The following ADAM17 variants were observed in gnomAD, a reference collection of about 807,000 sequenced individuals.
ADAM17 encodes the protein disintegrin and metalloproteinase domain-containing protein 17.
Under a neutral mutation model 96.7 loss-of-function variants are expected in ADAM17, and 39 were observed. The ratio of observed to expected loss-of-function variants is 0.40; its 90% CI spans 0.31 to 0.53. The LOEUF is 0.53. Among genes scored for constraint, ADAM17 ranks in the 20% least tolerant of loss-of-function variants. The pLI, the probability that ADAM17 is intolerant of heterozygous loss-of-function variation, is 0.44. For missense variants in ADAM17, 777 were observed against 1,013.2 expected (o/e 0.77, Z 3.17); for synonymous variants, 344 against 359.2 (o/e 0.96, Z 0.48).
intron 4 of ADAM17, among the ~76,000 whole-genome samples, chr2:9,530,039 G>C (rs1441075483): frequency 6.6e-6 from 1 of 152,108 alleles, no homozygotes; most frequent in African/African-American, 2.4e-5. Flanking sequence ...TATAGTATGT[G>C]AATTTTATCT....
In ADAM17 at chr2:9,489,297, A is replaced by AAAAAAAAAAAAAAAAAAAAAAAATT; in HGVS notation, c.*879_*880insAATTTTTTTTTTTTTTTTTTTTTTT. On this transcript the variant is annotated 3_prime_UTR_variant, in exon 19 of 19. Coordinates refer to ENST00000310823, the MANE Select transcript of ADAM17 (RefSeq NM_003183.6). ...TTTTTTTTTTTTGAGGCAGAGTCTC[A>AAAAAAAAAAAAAAAAAAAAAAAATT]CTCTGTCACCCAGGCTGGAGTGTAG... 2 of 113,068 alleles carry AAAAAAAAAAAAAAAAAAAAAAAATT rather than the reference A, an allele frequency of 1.8e-5. No homozygotes were observed. Among genetic ancestry groups the AAAAAAAAAAAAAAAAAAAAAAAATT allele is most frequent in the Admixed American group, 2.1e-4 (2 of 9,702 alleles). The allele number at this position is 113,068 out of a possible 1,614,324, so 7.0% of individuals were successfully genotyped here. A position where few individuals can be genotyped will look rare whatever the true frequency, so the allele number is the denominator to read the frequency against.
At chr2:9,555,467 C>T in intron 1 of ADAM17, 42 bp downstream of exon 1, 2 of 1,496,838 alleles carry the variant, frequency 1.3e-6, no homozygotes, top group Non-Finnish European at 1.8e-6. Context: ...CTCAAACGAG[C>T]GCTCCAGGCG....
intron 4 of ADAM17, among the ~76,000 whole-genome samples, chr2:9,528,557 T>A (rs887244477): frequency 5.9e-5 from 9 of 152,192 alleles, no homozygotes; most frequent in Non-Finnish European, 1.3e-4. Flanking sequence ...AAGGCCAGAG[T>A]AAATCACAAT....
In ADAM17 at chr2:9,555,658, G is replaced by A; in HGVS notation, c.-53C>T. The A allele has an allele frequency of 1.4e-6, 2 of 1,454,830 alleles. No homozygotes were observed. Among genetic ancestry groups the A allele is most frequent in the Non-Finnish European group, 1.8e-6 (2 of 1,081,832 alleles). 90.1% of individuals were successfully genotyped at this position (1,454,830 alleles called of 1,614,324 possible). On this transcript the variant is annotated 5_prime_UTR_variant, in exon 1 of 19. Transcript: ENST00000310823. ...TCTCTGGGCAGCCTTCGCCTGACGG[G>A]GTTTCGGAAAACTGCTCACATCGGG...
intron 2 of ADAM17, among the ~76,000 whole-genome samples, chr2:9,537,464 T>C (rs901322936): frequency 6.6e-6 from 1 of 152,234 alleles, no homozygotes; most frequent in Admixed American, 6.5e-5. Context: ...CCGTGCGTAG[T>C]GGCTCACGCC....
At chr2:9,553,360 C>T (rs1456053727) in intron 1 of ADAM17, among the ~76,000 whole-genome samples, 1 of 151,250 alleles carries the variant, frequency 6.6e-6, no homozygotes, top group African/African-American at 2.4e-5. Flanking sequence ...CTTGTGTGTC[C>T]TTCAAATATT....
chr2:9,509,608 G>A (rs1224940284), intron 11 of ADAM17, among the ~76,000 whole-genome samples: 2 of 152,142 alleles, frequency 1.3e-5, no homozygotes. Context: ...CGTGTAAACT[G>A]TACATGTAAA....
chr2:9,524,550 G>A (rs1390639235), intron 6 of ADAM17, among the ~76,000 whole-genome samples: 3 of 151,704 alleles, frequency 2.0e-5, no homozygotes, highest in Admixed American at 6.6e-5. Flanking sequence ...CCACACCCCC[G>A]CACTGTTCCT....
chr2:9,545,785 G>A (rs1190527303), intron 1 of ADAM17, among the ~76,000 whole-genome samples: 2 of 152,024 alleles, frequency 1.3e-5, no homozygotes, highest in East Asian at 1.9e-4. Flanking sequence ...TTTAAATGTC[G>A]TTCACAAAAG....
Position 9,490,146 on chromosome 2 carries a change from CA to C in ADAM17, c.*30del. On this transcript the variant is annotated 3_prime_UTR_variant, in exon 19 of 19. Transcript: ENST00000310823. ...AGGTCAAATCTATAAAAATATTTTGCACACTTAAGTCAGAAGAGCTGAGAAC... is the reference window on the plus strand; with the variant it reads ...AGGTCAAATCTATAAAAATATTTTGCCACTTAAGTCAGAAGAGCTGAGAAC... 1 of 1,537,584 alleles carries C rather than the reference CA, an allele frequency of 6.5e-7. No homozygotes were observed. Among genetic ancestry groups the C allele is most frequent in the Non-Finnish European group, 8.8e-7 (1 of 1,132,106 alleles).
At chr2:9,537,490 T>C (rs1448689057) in intron 2 of ADAM17, among the ~76,000 whole-genome samples, 1 of 152,108 alleles carries the variant, frequency 6.6e-6, no homozygotes. Flanking sequence ...TCCCAGCACT[T>C]TGGGAGGTTG....
chr2:9,544,867 T>C (rs1282278792), intron 1 of ADAM17, among the ~76,000 whole-genome samples: 1 of 152,072 alleles, frequency 6.6e-6, no homozygotes, highest in East Asian at 1.9e-4. Context: ...TTTTTATTCA[T>C]TACAACATCC....
At chr2:9,541,473 G>A (rs2125039457) in intron 2 of ADAM17, among the ~76,000 whole-genome samples, 2 of 152,320 alleles carry the variant, frequency 1.3e-5, no homozygotes, top group South Asian at 4.1e-4. Context: ...TGAGGCAGGA[G>A]AACTGCTTGA....
intron 11 of ADAM17, among the ~76,000 whole-genome samples, chr2:9,505,833 T>C (rs796452407): frequency 1.3e-5 from 2 of 152,350 alleles, no homozygotes; most frequent in Admixed American, 6.5e-5. Context: ...TTCTCCTTCT[T>C]TGGCTACTTA....
At chr2:9,543,752 T>C (rs1402249375) in intron 1 of ADAM17, among the ~76,000 whole-genome samples, 1 of 152,206 alleles carries the variant, frequency 6.6e-6, no homozygotes, top group Non-Finnish European at 1.5e-5. Flanking sequence ...GAATGGTGGT[T>C]ACCAGAGGCT....
rs760143401 is a variant in ADAM17, at chr2:9,491,113, CAG to C, written c.2119_2120del (p.Leu707ValfsTer5). On this transcript the variant is annotated frameshift_variant, in exon 18 of 19. Coordinates refer to ENST00000310823, the MANE Select transcript of ADAM17 (RefSeq NM_003183.6). LOFTEE classifies it low-confidence loss of function (END_TRUNC). ...ATGGTATACTTACACTGGGGTGAAA[CAG>C]AGACAGAGATTCATACTGTTTATCC... ...KLDKQYESLSLFHPSNVEMLS... is the reference protein window; with the variant it reads ...KLDKQYESLSXFHPSNVEMLS... 6 of 1,613,126 alleles carry C rather than the reference CAG, an allele frequency of 3.7e-6. No homozygotes were observed. Among genetic ancestry groups the C allele is most frequent in the Non-Finnish European group, 5.1e-6 (6 of 1,179,384 alleles).
At chr2:9,549,016 T>C (rs1665502787) in intron 1 of ADAM17, among the ~76,000 whole-genome samples, 1 of 152,216 alleles carries the variant, frequency 6.6e-6, no homozygotes, top group Non-Finnish European at 1.5e-5. Context: ...AGTATATCCA[T>C]ATTTTCTTCA....
intron 15 of ADAM17, 75 bp downstream of exon 15, chr2:9,494,562 C>T (rs1471505551): frequency 1.9e-5 from 29 of 1,552,100 alleles, no homozygotes; most frequent in Non-Finnish European, 2.6e-5. Context: ...TTGTTTTCAT[C>T]TGCAAAATCA....
At chr2:9,522,750 T>C (rs1054671183) in intron 7 of ADAM17, among the ~76,000 whole-genome samples, 8 of 152,190 alleles carry the variant, frequency 5.3e-5, no homozygotes, top group Admixed American at 2.6e-4. Context: ...TATGAGCTAT[T>C]ATTAAGATGA....
Sources: allele counts gnomAD v4.1 joint callset (sites outside exome capture counted in the v4.1 genomes callset), GRCh38; gene constraint gnomAD v4.1.1; transcripts MANE v1.5; gene names NCBI Gene and HGNC (gene_info 2026-07-23, HGNC 2026-07-21).